ANKS1B: variants seen among roughly 807,000 people sequenced by gnomAD.
ANKS1B encodes the protein ankyrin repeat and sterile alpha motif domain-containing protein 1B.
ANKS1B carries 36 observed loss-of-function variants against 148.3 expected under a neutral mutation model. The observed-to-expected ratio is 0.24, with a 90% CI of 0.19 to 0.32. The LOEUF (loss-of-function observed/expected upper bound fraction) is 0.32. Among genes scored for constraint, ANKS1B ranks in the 10% least tolerant of loss-of-function variants. The probability of loss-of-function intolerance (pLI) is 1.00; values close to 1 mark genes in which losing one functional copy is unlikely to be tolerated. For synonymous variants in ANKS1B, 542 were observed against 560.8 expected (o/e 0.97, Z 0.47); for missense variants, 1,157 against 1,542.6 (o/e 0.75, Z 4.19).
chr12:99,953,405 T>C (rs2095261704), intron 1 of ANKS1B, among the ~76,000 whole-genome samples: 1 of 152,192 alleles, frequency 6.6e-6, no homozygotes, highest in African/African-American at 2.4e-5. Flanking sequence ...AAGAGAGTTG[T>C]TTCAATAGCA....
chr12:98,999,340 C>G lies in ANKS1B; in HGVS notation c.2778+53817G>C, dbSNP rs1026861402. Among the ~76,000 whole-genome samples, 3 of 152,216 alleles carry G rather than the reference C, an allele frequency of 2.0e-5. No individual in the cohort carries two copies. In the East Asian group the frequency reaches 5.8e-4, roughly 29 times the overall value. ...ATAAATCTGTGGGCACACAAACTGGCGTTTCTAATCAATTTTGTTTTTGGA... is the reference window on the plus strand; with the variant it reads ...ATAAATCTGTGGGCACACAAACTGGGGTTTCTAATCAATTTTGTTTTTGGA... On this transcript the variant is annotated intron_variant, in intron 17 of 26. Coordinates refer to ENST00000683438, the MANE Select transcript of ANKS1B (RefSeq NM_001352186.2).
chr12:99,598,094 A>G (rs543462149), intron 9 of ANKS1B, among the ~76,000 whole-genome samples: 1 of 152,216 alleles, frequency 6.6e-6, no homozygotes, highest in African/African-American at 2.4e-5. Flanking sequence ...TGTATCCATC[A>G]GAACTCCAGT....
chr12:98,998,534 CCTT>C (rs2099931040), intron 17 of ANKS1B, among the ~76,000 whole-genome samples: 1 of 152,068 alleles, frequency 6.6e-6, no homozygotes, highest in African/African-American at 2.4e-5. Context: ...AAGCTTGTGT[CCTT>C]ATATGAGGGA....
chr12:99,350,532 A>T (rs1457517991), intron 12 of ANKS1B, among the ~76,000 whole-genome samples: 1 of 152,106 alleles, frequency 6.6e-6, no homozygotes, highest in African/African-American at 2.4e-5. Flanking sequence ...GTATAAGATA[A>T]AAGAAGCTGC....
chr12:99,429,825 G>A (rs371127494), intron 11 of ANKS1B, among the ~76,000 whole-genome samples: 75 of 152,120 alleles, frequency 4.9e-4, no homozygotes, highest in African/African-American at 1.7e-3. Context: ...TTAGCCGGGC[G>A]TGGTGGCAGG....
intron 15 of ANKS1B, among the ~76,000 whole-genome samples, chr12:99,128,684 G>C (rs2372734): frequency 0.68 from 103,949 of 152,012 alleles, 35,859 homozygotes; most frequent in East Asian, 0.84. Flanking sequence ...ATACTCAGGA[G>C]CAGCCTGTGG....
At chr12:99,604,641 C>T (rs2097836785) in intron 9 of ANKS1B, among the ~76,000 whole-genome samples, 1 of 151,466 alleles carries the variant, frequency 6.6e-6, no homozygotes, top group Admixed American at 6.6e-5. Context: ...ATGGTGAAAC[C>T]CTGTCTCTAC....
intron 17 of ANKS1B, among the ~76,000 whole-genome samples, chr12:98,861,232 C>T (rs1049080855): frequency 2.0e-5 from 3 of 152,094 alleles, no homozygotes; most frequent in African/African-American, 7.2e-5. Flanking sequence ...TGCATAAACT[C>T]TGTTAATATA....
chr12:99,076,787 G>A (rs191174545), intron 16 of ANKS1B, among the ~76,000 whole-genome samples: 212 of 152,136 alleles, frequency 1.4e-3, no homozygotes, highest in African/African-American at 4.8e-3. Flanking sequence ...ATAAGTTACG[G>A]GTCAGTAAAC....
At chr12:98,783,541 C>T (rs960430241) in intron 22 of ANKS1B, among the ~76,000 whole-genome samples, 3 of 152,166 alleles carry the variant, frequency 2.0e-5, no homozygotes, top group African/African-American at 7.2e-5. Flanking sequence ...TTTTGCTTGA[C>T]AGAGTGGGGC....
intron 19 of ANKS1B, among the ~76,000 whole-genome samples, chr12:98,824,989 T>C (rs2099236112): frequency 6.6e-6 from 1 of 152,126 alleles, no homozygotes; most frequent in Non-Finnish European, 1.5e-5. Flanking sequence ...TTGAACTGTT[T>C]TTAAAATATT....
chr12:99,096,547 G>A (rs2153661948), intron 15 of ANKS1B, among the ~76,000 whole-genome samples: 1 of 152,292 alleles, frequency 6.6e-6, no homozygotes, highest in Non-Finnish European at 1.5e-5. Context: ...AGCTGAGTAA[G>A]AGCTCCACTA....
intron 14 of ANKS1B, among the ~76,000 whole-genome samples, chr12:99,222,374 G>A (rs2085264677): frequency 6.6e-6 from 1 of 152,180 alleles, no homozygotes; most frequent in African/African-American, 2.4e-5. Flanking sequence ...AGCACCTTGG[G>A]AAGCCAAGGC....
At chr12:99,598,751 G>A (rs961407546) in intron 9 of ANKS1B, among the ~76,000 whole-genome samples, 1 of 152,062 alleles carries the variant, frequency 6.6e-6, no homozygotes, top group South Asian at 2.1e-4. Context: ...AAATATATGT[G>A]ATAAAAAGAA....
intron 8 of ANKS1B, among the ~76,000 whole-genome samples, chr12:99,753,964 A>G (rs1037926099): frequency 6.6e-6 from 1 of 152,100 alleles, no homozygotes; most frequent in Non-Finnish European, 1.5e-5. Flanking sequence ...CAGAGGTTAC[A>G]GTGAGCCAAG....
In ANKS1B at chr12:99,786,505, C is replaced by T. The variant is rs564907575; in HGVS notation, c.670-4408G>A. 2.6e-5 allele frequency among the ~76,000 whole-genome samples: 4 copies of T among 152,220 alleles called. No homozygotes were observed. In the South Asian group the frequency reaches 8.3e-4, roughly 32 times the overall value. ...TCCTCAGTGAAAATTAAAACAACAA[C>T]AACAACACATTGCACAGAAGGGGAA... On this transcript the variant is annotated intron_variant, in intron 4 of 26. Transcript: ENST00000683438.
chr12:99,891,810 A>C (rs969455644), intron 1 of ANKS1B, among the ~76,000 whole-genome samples: 2 of 152,140 alleles, frequency 1.3e-5, no homozygotes, highest in Non-Finnish European at 2.9e-5. Context: ...AAAAATCTTT[A>C]CCTTTTAATG....
chr12:98,887,553 T>G (rs1324954165), intron 17 of ANKS1B, among the ~76,000 whole-genome samples: 1 of 152,204 alleles, frequency 6.6e-6, no homozygotes, highest in African/African-American at 2.4e-5. Flanking sequence ...GAGACACTTA[T>G]TGGAAGTTCA....
intron 17 of ANKS1B, among the ~76,000 whole-genome samples, chr12:98,975,399 T>A (rs2099893047): frequency 6.7e-6 from 1 of 150,234 alleles, no homozygotes. Context: ...CCTGCCTTCC[T>A]GCCTGACTTC....
Sources: gnomAD v4.1 joint callset for allele counts (sites outside exome capture counted in the v4.1 genomes callset) on GRCh38, gnomAD v4.1.1 for gene constraint, MANE v1.5 for transcripts, NCBI Gene and HGNC (gene_info 2026-07-23, HGNC 2026-07-21) for gene names.